PHLPP1: variants seen among roughly 807,000 people sequenced by gnomAD.
The protein encoded by PHLPP1 is PH domain leucine-rich repeat-containing protein phosphatase 1.
In PHLPP1, 42 loss-of-function variants were observed where a neutral mutation model predicts 117.2. The observed-to-expected ratio is 0.36, with a 90% confidence interval of 0.28 to 0.46. PHLPP1 has a LOEUF of 0.46. Ranked by LOEUF, PHLPP1 falls within the 20% of genes least tolerant of loss-of-function variation. The probability of loss-of-function intolerance (pLI) is 1.00; values close to 1 mark genes in which losing one functional copy is unlikely to be tolerated. For synonymous variants in PHLPP1, 1,042 were observed against 970.7 expected, an observed-to-expected ratio of 1.07 and a Z score of -1.37; for missense variants, 2,084 against 2,241.9, an observed-to-expected ratio of 0.93 and a Z score of 1.42.
intron 1 of PHLPP1, among the ~76,000 whole-genome samples, chr18:62,804,353 G>GGT (rs1405641495): frequency 6.6e-6 from 1 of 151,426 alleles, no homozygotes. Flanking sequence ...CCATATCGGG[G>GGT]GTGTATGTGT....
chr18:62,884,709 A>G (rs1213021545), intron 4 of PHLPP1, among the ~76,000 whole-genome samples: 4 of 152,218 alleles, frequency 2.6e-5, no homozygotes, highest in African/African-American at 9.6e-5. Context: ...ACGGAAATTT[A>G]TTTACCTAGG....
intron 12 of PHLPP1, among the ~76,000 whole-genome samples, chr18:62,947,931 C>G (rs1910347394): frequency 6.6e-6 from 1 of 152,160 alleles, no homozygotes; most frequent in African/African-American, 2.4e-5. Context: ...GAAGCTGAGG[C>G]AGGAGAATCA....
At position 62,900,433 on chromosome 18, in the gene PHLPP1, CTTTTTTTTT is replaced by C. The variant is rs774225759; in HGVS notation, c.2445-2511_2445-2503del. 9.6e-4 allele frequency among the ~76,000 whole-genome samples: 52 copies of C among 54,250 alleles called. 2 individuals are homozygous for C. The highest frequency in any genetic ancestry group is 0.011 in the Middle Eastern group (1 of 92). The allele number at this position is 54,250 out of a possible 152,430, so 35.6% of individuals were successfully genotyped here. ...GTATTCTTGTTTTTTCTTTTTCTTT[CTTTTTTTTT>C]TTTTTTTTTTTTTTTTTTTGAGACA... On this transcript the variant is annotated intron_variant, in intron 6 of 16. Transcript: ENST00000262719.
At chr18:62,831,511 G>A (rs1387472200) in intron 2 of PHLPP1, among the ~76,000 whole-genome samples, 1 of 151,880 alleles carries the variant, frequency 6.6e-6, no homozygotes, top group African/African-American at 2.4e-5. Flanking sequence ...CTAATTTTTT[G>A]TATTTTTAGT....
At chr18:62,734,491 T>C (rs1911314394) in intron 1 of PHLPP1, among the ~76,000 whole-genome samples, 1 of 152,234 alleles carries the variant, frequency 6.6e-6, no homozygotes, top group African/African-American at 2.4e-5. Context: ...TTATAAATTA[T>C]TTTTATCTTG....
chr18:62,864,446 G>C (rs1331621754), intron 4 of PHLPP1, among the ~76,000 whole-genome samples: 2 of 152,222 alleles, frequency 1.3e-5, no homozygotes, highest in Non-Finnish European at 2.9e-5. Context: ...AGGGCCTCTT[G>C]TATTCAAGGT....
intron 3 of PHLPP1, among the ~76,000 whole-genome samples, chr18:62,847,797 C>G (rs551336921): frequency 6.6e-6 from 1 of 152,192 alleles, no homozygotes; most frequent in Non-Finnish European, 1.5e-5. Flanking sequence ...CACCCATGTC[C>G]GTAGGCATTT....
At chr18:62,786,842 G>C (rs984349189) in intron 1 of PHLPP1, among the ~76,000 whole-genome samples, 3 of 152,188 alleles carry the variant, frequency 2.0e-5, no homozygotes, top group Non-Finnish European at 4.4e-5. Flanking sequence ...GCAATGGTTT[G>C]TGCTGTTTAT....
At chr18:62,792,211 G>A (rs1399876368) in intron 1 of PHLPP1, among the ~76,000 whole-genome samples, 3 of 152,274 alleles carry the variant, frequency 2.0e-5, no homozygotes, top group East Asian at 3.9e-4. Flanking sequence ...GACTTGGAGA[G>A]TGTCCCATCT....
At chr18:62,809,955 C>T (rs1914063812) in intron 1 of PHLPP1, among the ~76,000 whole-genome samples, 1 of 152,250 alleles carries the variant, frequency 6.6e-6, no homozygotes, top group Admixed American at 6.5e-5. Context: ...GAGTAGGTTG[C>T]AAAAGTTTAT....
At chr18:62,951,812 ATTTTTTTT>A (rs34516044) in intron 12 of PHLPP1, among the ~76,000 whole-genome samples, 4 of 101,422 alleles carry the variant, frequency 3.9e-5, no homozygotes, top group African/African-American at 8.1e-5. Flanking sequence ...CACATAATTA[ATTTTTTTT>A]TTTTTTTTTT....
chr18:62,831,477 A>G (rs1914754724), intron 2 of PHLPP1, among the ~76,000 whole-genome samples: 1 of 151,934 alleles, frequency 6.6e-6, no homozygotes, highest in Non-Finnish European at 1.5e-5. Flanking sequence ...AGCTGGGACT[A>G]CAGGCGCATG....
chr18:62,918,429 AATAT>A (rs34065978), intron 9 of PHLPP1, among the ~76,000 whole-genome samples: 6 of 140,436 alleles, frequency 4.3e-5, no homozygotes, highest in South Asian at 2.2e-4. Flanking sequence ...GTAAAGGATA[AATAT>A]ATATATATAT....
intron 1 of PHLPP1, among the ~76,000 whole-genome samples, chr18:62,742,729 T>C (rs1480780607): frequency 1.3e-5 from 2 of 152,180 alleles, no homozygotes; most frequent in African/African-American, 4.8e-5. Flanking sequence ...CCACTGCAGC[T>C]GGCCTTTTAA....
At chr18:62,924,984 A>G (rs1029008202) in intron 10 of PHLPP1, among the ~76,000 whole-genome samples, 3 of 152,038 alleles carry the variant, frequency 2.0e-5, no homozygotes, top group African/African-American at 4.8e-5. Context: ...ATCTTCCTCT[A>G]AATACTTGAG....
chr18:62,860,096 C>T (rs929454355), intron 3 of PHLPP1, among the ~76,000 whole-genome samples: 7 of 152,148 alleles, frequency 4.6e-5, no homozygotes, highest in African/African-American at 1.7e-4. Flanking sequence ...TGTTACTGTA[C>T]CGAATACTGT....
At chr18:62,777,593 G>C (rs1373528855) in intron 1 of PHLPP1, among the ~76,000 whole-genome samples, 1 of 151,756 alleles carries the variant, frequency 6.6e-6, no homozygotes, top group African/African-American at 2.4e-5. Context: ...TAATTTGTGA[G>C]GTGTTTTTTG....
intron 9 of PHLPP1, among the ~76,000 whole-genome samples, chr18:62,915,296 A>G (rs571106062): frequency 5.6e-4 from 85 of 152,318 alleles, no homozygotes; most frequent in Non-Finnish European, 1.1e-3. Flanking sequence ...AGCAAACAAT[A>G]TGATTGGCCC....
At chr18:62,775,457 A>C (rs1308657786) in intron 1 of PHLPP1, among the ~76,000 whole-genome samples, 2 of 152,138 alleles carry the variant, frequency 1.3e-5, no homozygotes, top group Non-Finnish European at 2.9e-5. Flanking sequence ...ATCTGTCCCT[A>C]GCCATTCTTA....
Sources: gnomAD v4.1 joint callset for allele counts (sites outside exome capture counted in the v4.1 genomes callset) on GRCh38, gnomAD v4.1.1 for gene constraint, MANE v1.5 for transcripts, NCBI Gene and HGNC (gene_info 2026-07-23, HGNC 2026-07-21) for gene names.